Variants in C5orf22 observed in about 807,000 individuals in gnomAD.
C5orf22 encodes the protein chromosome 5 open reading frame 22.
Under a neutral mutation model 48.7 loss-of-function variants are expected in C5orf22, and 36 were observed. The ratio of observed to expected loss-of-function variants is 0.74; its 90% CI spans 0.57 to 0.98. The LOEUF (loss-of-function observed/expected upper bound fraction) is 0.98. Among genes scored for constraint, C5orf22 ranks in the 50% least tolerant of loss-of-function variants. C5orf22 has a pLI of 0.00. For missense variants in C5orf22, 486 were observed against 521.9 expected, an observed-to-expected ratio of 0.93 and a Z score of 0.67; for synonymous variants, 141 against 180.8, an observed-to-expected ratio of 0.78 and a Z score of 1.76.
chr5:31,535,654 A>C (rs891350726), intron 2 of C5orf22, 90 bp from the exon 3 acceptor site: 21 of 1,009,630 alleles, frequency 2.1e-5, no homozygotes, highest in Non-Finnish European at 2.5e-5. Flanking sequence ...ACACTTTGAG[A>C]CCTGTGGTCT....
At chr5:31,537,700 C>A (rs1742184116) in intron 3 of C5orf22, among the ~76,000 whole-genome samples, 1 of 152,092 alleles carries the variant, frequency 6.6e-6, no homozygotes, top group Non-Finnish European at 1.5e-5. Flanking sequence ...GAAATTATTT[C>A]CAGATGAAAT....
rs753543474 is a variant in C5orf22 at position 31,538,427 on chromosome 5, T to C, written c.545T>C (p.Leu182Pro). The C allele has an allele frequency of 1.1e-5, 18 of 1,614,074 alleles. No homozygotes were observed. ...DAVSSAKKPK[L>P]ALEDSENTAS... Reference sequence around the variant, plus strand: ...GTGTCTTCTGCTAAGAAACCAAAGCTAGCCCTGGAAGATTCGGAAAACACT... The same window carrying C: ...GTGTCTTCTGCTAAGAAACCAAAGCCAGCCCTGGAAGATTCGGAAAACACT... Residue 182 changes from leucine to proline, a missense_variant, in exon 4 of 9, where the codon CTA becomes CCA. Physicochemically the swap from Leu to Pro is moderately conservative, Grantham distance 98 (BLOSUM62 -3). Coordinates refer to ENST00000325366, the MANE Select transcript of C5orf22 (RefSeq NM_018356.3).
chr5:31,541,074 A>G lies in C5orf22; in HGVS notation c.870+63A>G, dbSNP rs1160416811. 5 of 1,326,270 alleles carry G rather than the reference A, an allele frequency of 3.8e-6. No homozygotes were observed. The East Asian group carries it at 6.9e-5, about 18-fold the overall frequency. 82.2% of individuals were successfully genotyped at this position (1,326,270 alleles called of 1,614,324 possible). On this transcript the variant is annotated intron_variant, in intron 5 of 8. Coordinates refer to ENST00000325366, the MANE Select transcript of C5orf22 (RefSeq NM_018356.3). Reference sequence around the variant, plus strand: ...ATCATATAACTAATAATATCTTGCAAATTACCACAGTGATCTCAAAGACTG... The same window carrying G: ...ATCATATAACTAATAATATCTTGCAGATTACCACAGTGATCTCAAAGACTG...
chr5:31,537,837 C>A (rs976597709), intron 3 of C5orf22, among the ~76,000 whole-genome samples: 6 of 152,230 alleles, frequency 3.9e-5, no homozygotes, highest in Admixed American at 3.9e-4. Context: ...GCCTATGTGG[C>A]AGCTCTAGAG....
chr5:31,548,215 C>T (rs1405528579), intron 7 of C5orf22, among the ~76,000 whole-genome samples: 2 of 151,848 alleles, frequency 1.3e-5, no homozygotes, highest in Non-Finnish European at 2.9e-5. Context: ...GGCAGAGAAT[C>T]GCTTGAACCT....
At chr5:31,537,902 C>T (rs1270704581) in intron 3 of C5orf22, among the ~76,000 whole-genome samples, 1 of 152,218 alleles carries the variant, frequency 6.6e-6, no homozygotes, top group African/African-American at 2.4e-5. Flanking sequence ...TAGAATATTG[C>T]CCCTGTCCTT....
Position 31,535,873 on chromosome 5 carries a change from C to G in C5orf22, c.357C>G (p.Asp119Glu). 6 of 1,612,454 alleles carry G rather than the reference C, an allele frequency of 3.7e-6. No homozygotes were observed. Among genetic ancestry groups the G allele is most frequent in the Non-Finnish European group, 5.1e-6 (6 of 1,179,618 alleles). ...EGRHHFLVGK[D>E]TSTTTIRVTS... ...GACACCACTTTTTAGTAGGCAAAGA[C>G]ACTTCTACCACAACAATCAGGTAAT... Residue 119 changes from aspartate to glutamate, a missense_variant, in exon 3 of 9, where the codon GAC (aspartate) becomes GAG (glutamate). Transcript: ENST00000325366.
intron 5 of C5orf22, 75 bp from the exon 6 acceptor site, chr5:31,541,205 GT>G (rs796212832): frequency 6.0e-6 from 9 of 1,497,572 alleles, no homozygotes; most frequent in East Asian, 2.3e-5. Flanking sequence ...ATAGAGCCAA[GT>G]TTTTTTTGTA....
intron 6 of C5orf22, among the ~76,000 whole-genome samples, chr5:31,544,937 GTAA>G (rs989324714): frequency 6.7e-6 from 1 of 149,934 alleles, no homozygotes; most frequent in Non-Finnish European, 1.5e-5. Context: ...TGTCTCAATA[GTAA>G]TAATAATTGT....
Position 31,538,317 on chromosome 5 carries a change from G to A in C5orf22, c.435G>A (p.Gln145=), listed in dbSNP as rs1425298121. The change falls in exon 4 of 9, where the codon CAG becomes CAA. Residue 145 remains glutamine (Q), a synonymous_variant. Transcript: ENST00000325366. ...LSDGLYVPED[Q]LENQKPLQLD... ...ATGGTCTGTATGTACCTGAAGACCA[G>A]CTAGAGAACCAAAAACCTTTACAAT... The A allele has an allele frequency of 1.2e-6, 2 of 1,613,806 alleles. No individual in the cohort carries two copies. The highest frequency in any genetic ancestry group is 1.7e-6 in the Non-Finnish European group (2 of 1,179,916).
At chr5:31,541,488 T>TA (rs1272494949) in intron 6 of C5orf22, 86 bp downstream of exon 6, 6 of 1,460,050 alleles carry the variant, frequency 4.1e-6, no homozygotes, top group South Asian at 1.3e-5. Flanking sequence ...ACATTGCTTT[T>TA]AAAAAAGTAG....
chr5:31,541,111 T>TGTGC, intron 5 of C5orf22, 100 bp downstream of exon 5: 1 of 455,232 alleles, frequency 2.2e-6, no homozygotes, highest in East Asian at 4.1e-5. Flanking sequence ...TCAAAGTGTG[T>TGTGC]GTGTGTGTGT....
chr5:31,535,656 C>A, intron 2 of C5orf22, 88 bp from the exon 3 acceptor site: 1 of 1,037,836 alleles, frequency 9.6e-7, no homozygotes, highest in East Asian at 2.7e-5. Context: ...ACTTTGAGAC[C>A]TGTGGTCTTA....
Position 31,534,854 on chromosome 5 carries a change from G to A in C5orf22, c.227+437G>A, listed in dbSNP as rs1741976557. The stretch of plus-strand genomic sequence containing the variant: ...TGGATAGCTGCTGCACTCCAGACTG[G>A]GCAACATAACCAGACCCCATCTCTT... On this transcript the variant is annotated intron_variant, in intron 2 of 8. Transcript: ENST00000325366. The A allele has an allele frequency of 8.7e-6, 3 of 346,604 alleles. No homozygotes were observed. The Admixed American group carries it at 1.1e-4, about 13-fold the overall frequency. 21.5% of individuals were successfully genotyped at this position (346,604 alleles called of 1,614,324 possible).
At chr5:31,545,063 A>T (rs1336737052) in intron 6 of C5orf22, among the ~76,000 whole-genome samples, 18 of 142,006 alleles carry the variant, frequency 1.3e-4, no homozygotes, top group Non-Finnish European at 1.5e-4. Flanking sequence ...AATCAAAATA[A>T]TTTTTTTTTT....
chr5:31,535,189 C>G (rs1450570974), intron 2 of C5orf22: 2 of 340,788 alleles, frequency 5.9e-6, no homozygotes, highest in East Asian at 8.0e-5. Context: ...AATTCAGTAT[C>G]AAGTGTGAAT....
At chr5:31,550,637 C>T (rs1743194334) in intron 7 of C5orf22, among the ~76,000 whole-genome samples, 1 of 152,120 alleles carries the variant, frequency 6.6e-6, no homozygotes, top group Non-Finnish European at 1.5e-5. Flanking sequence ...ACGATCTTGG[C>T]TCACTGTAAC....
At position 31,538,313 on chromosome 5, in the gene C5orf22, A is replaced by G. The variant is rs1346064717; in HGVS notation, c.431A>G (p.Asp144Gly). 5 of 1,613,972 alleles carry G rather than the reference A, an allele frequency of 3.1e-6. No individual in the cohort carries two copies. Among genetic ancestry groups the G allele is most frequent in the Non-Finnish European group, 4.2e-6 (5 of 1,179,930 alleles). The stretch of plus-strand genomic sequence containing the variant: ...AGTGATGGTCTGTATGTACCTGAAG[A>G]CCAGCTAGAGAACCAAAAACCTTTA... The part of the protein sequence containing the change: ...FLSDGLYVPE[D>G]QLENQKPLQL... Residue 144 changes from aspartate (D) to glycine (G), a missense_variant, in exon 4 of 9, where the codon GAC (aspartate) becomes GGC (glycine). Asp to Gly is a moderately conservative substitution (Grantham distance 94). This residue lies in a region of C5orf22 where 408 missense variants were observed against 444.0 expected (regional missense o/e 0.92). Transcript: ENST00000325366.
chr5:31,552,136 C>T (rs768729011), intron 8 of C5orf22, among the ~76,000 whole-genome samples: 2 of 152,124 alleles, frequency 1.3e-5, no homozygotes, highest in Non-Finnish European at 2.9e-5. Flanking sequence ...ATTGTAACTG[C>T]CCAGTGCAAC....
Sources: allele counts gnomAD v4.1 joint callset (sites outside exome capture counted in the v4.1 genomes callset), GRCh38; gene constraint gnomAD v4.1.1; regional missense constraint gnomAD v4.1.1; transcripts MANE v1.5; gene names NCBI Gene and HGNC (gene_info 2026-07-23, HGNC 2026-07-21).